TMEM132D: variants seen among roughly 807,000 people sequenced by gnomAD.
TMEM132D encodes the protein mature OL transmembrane protein.
Under a neutral mutation model 62.3 loss-of-function variants are expected in TMEM132D, and 21 were observed. That is an observed-to-expected ratio of 0.34 (90% confidence interval 0.24 to 0.49). TMEM132D has a LOEUF of 0.49. TMEM132D is among the 20% of genes least tolerant of loss of function. The pLI, the probability that TMEM132D is intolerant of heterozygous loss-of-function variation, is 0.99. For synonymous variants in TMEM132D, 621 were observed against 575.6 expected, an observed-to-expected ratio of 1.08 and a Z score of -1.13; for missense variants, 1,346 against 1,402.8, an observed-to-expected ratio of 0.96 and a Z score of 0.65.
intron 1 of TMEM132D, among the ~76,000 whole-genome samples, chr12:129,766,492 C>G (rs2095447517): frequency 6.6e-6 from 1 of 152,128 alleles, no homozygotes; most frequent in African/African-American, 2.4e-5. Flanking sequence ...GCCTCTCTGA[C>G]ACAAATATTT....
At position 129,114,567 on chromosome 12, in the gene TMEM132D, G is replaced by A. The variant is rs546326999; in HGVS notation, c.1444-29865C>T. On this transcript the variant is annotated intron_variant, in intron 5 of 8. Coordinates refer to ENST00000422113, the MANE Select transcript of TMEM132D (RefSeq NM_133448.3). Reference sequence around the variant, plus strand: ...AGCTAAGTGTACAAATCATGAACGTGCAGCTCAATGACATTTCATGAAGCA... The same window carrying A: ...AGCTAAGTGTACAAATCATGAACGTACAGCTCAATGACATTTCATGAAGCA... Among the ~76,000 whole-genome samples, 56 of 152,100 alleles carry A rather than the reference G, an allele frequency of 3.7e-4. 1 individual carries two copies. The South Asian group carries it at 0.011, about 30-fold the overall frequency.
At chr12:129,490,882 G>A (rs565393650) in intron 3 of TMEM132D, among the ~76,000 whole-genome samples, 1 of 151,970 alleles carries the variant, frequency 6.6e-6, no homozygotes, top group Non-Finnish European at 1.5e-5. Context: ...CATCCTCCCT[G>A]TAGCTTCACA....
intron 3 of TMEM132D, among the ~76,000 whole-genome samples, chr12:129,396,886 G>A (rs1871446816): frequency 6.6e-6 from 1 of 152,218 alleles, no homozygotes; most frequent in South Asian, 2.1e-4. Flanking sequence ...TTGCCTATAT[G>A]TTTGCTATGT....
At chr12:129,293,410 C>A (rs753081187) in intron 4 of TMEM132D, among the ~76,000 whole-genome samples, 1 of 152,162 alleles carries the variant, frequency 6.6e-6, no homozygotes, top group Non-Finnish European at 1.5e-5. Flanking sequence ...CAGTCCCCAG[C>A]CTTTCTGGCA....
intron 2 of TMEM132D, among the ~76,000 whole-genome samples, chr12:129,570,414 C>CT (rs144786483): frequency 0.015 from 2,257 of 152,226 alleles, 56 homozygotes; most frequent in African/African-American, 0.051. Flanking sequence ...GTGCAGAAAG[C>CT]TTTTTTAAGA....
At chr12:129,465,607 A>G (rs972933952) in intron 3 of TMEM132D, among the ~76,000 whole-genome samples, 1 of 152,252 alleles carries the variant, frequency 6.6e-6, no homozygotes, top group Non-Finnish European at 1.5e-5. Context: ...GTCTCAGGAT[A>G]CAAAGTCAAT....
intron 3 of TMEM132D, among the ~76,000 whole-genome samples, chr12:129,425,876 T>C (rs964526930): frequency 1.3e-5 from 2 of 152,200 alleles, no homozygotes; most frequent in East Asian, 3.9e-4. Context: ...CAACGCCACA[T>C]AGGCAATGGA....
In TMEM132D at chr12:129,777,007, A is replaced by G. The variant is rs143672054; in HGVS notation, c.80-76309T>C. Reference sequence around the variant, plus strand: ...TTTTTATTAACAAAGGTGTTGTTAAATATCTGCACCATATATGTTTGATTT... The same window carrying G: ...TTTTTATTAACAAAGGTGTTGTTAAGTATCTGCACCATATATGTTTGATTT... On this transcript the variant is annotated intron_variant, in intron 1 of 8. Coordinates refer to ENST00000422113, the MANE Select transcript of TMEM132D (RefSeq NM_133448.3). Among the ~76,000 whole-genome samples the G allele has an allele frequency of 1.9e-3, 290 of 152,350 alleles. 6 individuals are homozygous for G. In the East Asian group the frequency reaches 0.051, roughly 27 times the overall value.
intron 5 of TMEM132D, among the ~76,000 whole-genome samples, chr12:129,199,860 G>A (rs1034190163): frequency 6.6e-6 from 1 of 152,182 alleles, no homozygotes; most frequent in Non-Finnish European, 1.5e-5. Context: ...TGGGTCCCTC[G>A]CATGACACAT....
intron 3 of TMEM132D, among the ~76,000 whole-genome samples, chr12:129,353,888 C>G (rs964243525): frequency 1.4e-4 from 21 of 152,152 alleles, no homozygotes; most frequent in African/African-American, 4.6e-4. Context: ...GGAGGCATCT[C>G]TCGGAGGTCT....
At chr12:129,516,046 C>T (rs1210834654) in intron 3 of TMEM132D, among the ~76,000 whole-genome samples, 1 of 152,192 alleles carries the variant, frequency 6.6e-6, no homozygotes, top group Non-Finnish European at 1.5e-5. Flanking sequence ...AGGTGCTTTT[C>T]ATGCATTCAC....
Position 129,875,443 on chromosome 12 carries a change from T to C in TMEM132D, c.79+27818A>G, listed in dbSNP as rs552154443. On this transcript the variant is annotated intron_variant, in intron 1 of 8. Transcript: ENST00000422113. ...CCATGGTGCCAGCGTGGTTAGTTCC[T>C]GGTAAGGGCCCGGCTCTGCGTTGCC... 5.3e-5 allele frequency among the ~76,000 whole-genome samples: 8 copies of C among 152,336 alleles called. No individual in the cohort carries two copies. In the East Asian group the frequency reaches 1.6e-3, roughly 30 times the overall value.
At chr12:129,373,312 C>T (rs1251348572) in intron 3 of TMEM132D, among the ~76,000 whole-genome samples, 1 of 152,114 alleles carries the variant, frequency 6.6e-6, no homozygotes, top group Non-Finnish European at 1.5e-5. Flanking sequence ...CAGACTGGGA[C>T]CTTGCTCTGA....
At chr12:129,335,124 GTAC>G (rs1398483937) in intron 4 of TMEM132D, among the ~76,000 whole-genome samples, 3 of 126,036 alleles carry the variant, frequency 2.4e-5, no homozygotes, top group Non-Finnish European at 4.8e-5. Flanking sequence ...ACTCTAATAA[GTAC>G]TTTTTTTTTT....
At chr12:129,312,599 T>C (rs1471919850) in intron 4 of TMEM132D, among the ~76,000 whole-genome samples, 1 of 152,366 alleles carries the variant, frequency 6.6e-6, no homozygotes, top group Admixed American at 6.5e-5. Context: ...AGACGGAGTC[T>C]CACGCTTTCG....
chr12:129,320,257 A>G (rs931310558), intron 4 of TMEM132D, among the ~76,000 whole-genome samples: 2 of 152,232 alleles, frequency 1.3e-5, no homozygotes, highest in Non-Finnish European at 2.9e-5. Flanking sequence ...CAAAACTGAG[A>G]CTGATAGACA....
intron 1 of TMEM132D, among the ~76,000 whole-genome samples, chr12:129,841,799 G>A (rs1196814920): frequency 1.3e-5 from 2 of 151,996 alleles, no homozygotes; most frequent in African/African-American, 4.8e-5. Flanking sequence ...ATAGTCTACT[G>A]AATAAATGGG....
At position 129,761,121 on chromosome 12, in the gene TMEM132D, G is replaced by A. The variant is rs535520518; in HGVS notation, c.80-60423C>T. Among the ~76,000 whole-genome samples the A allele has an allele frequency of 4.6e-5, 7 of 152,094 alleles. No homozygotes were observed. In the East Asian group the frequency reaches 1.2e-3, roughly 25 times the overall value. On this transcript the variant is annotated intron_variant, in intron 1 of 8. Transcript: ENST00000422113. ...TGGAGAGATCAGAAATGTGGTAAAC[G>A]CTGGTTTGGTTGCCTCCCATAAAGG...
chr12:129,373,773 A>C (rs1489412901), intron 3 of TMEM132D, among the ~76,000 whole-genome samples: 1 of 152,216 alleles, frequency 6.6e-6, no homozygotes, highest in Non-Finnish European at 1.5e-5. Flanking sequence ...CTAAGTCTGG[A>C]GAGAAAAGAC....
Sources: allele counts gnomAD v4.1 joint callset (sites outside exome capture counted in the v4.1 genomes callset), GRCh38; gene constraint gnomAD v4.1.1; transcripts MANE v1.5; gene names NCBI Gene and HGNC (gene_info 2026-07-23, HGNC 2026-07-21).